Variants in CDS2 observed in about 807,000 individuals in gnomAD.
CDS2 encodes the protein phosphatidate cytidylyltransferase 2.
Under a neutral mutation model 59.0 loss-of-function variants are expected in CDS2, and 47 were observed. That is an observed-to-expected ratio of 0.80 (90% CI 0.63 to 1.02). The LOEUF (loss-of-function observed/expected upper bound fraction) is 1.02, where lower values mean the gene tolerates loss of function less well. Ranked by LOEUF, CDS2 falls within the 50% of genes least tolerant of loss-of-function variation. The probability of loss-of-function intolerance (pLI) is 0.00; values close to 1 mark genes in which losing one functional copy is unlikely to be tolerated. For missense variants in CDS2, 356 were observed against 558.9 expected, an observed-to-expected ratio of 0.64 and a Z score of 3.66; for synonymous variants, 207 against 206.4, an observed-to-expected ratio of 1.00 and a Z score of -0.02.
chr20:5,156,925 C>G (rs989664995), intron 1 of CDS2, among the ~76,000 whole-genome samples: 1 of 152,156 alleles, frequency 6.6e-6, no homozygotes, highest in African/African-American at 2.4e-5. Context: ...TCATCTCTGA[C>G]CTGGTCACTG....
At chr20:5,143,670 C>T (rs1326721013) in intron 1 of CDS2, among the ~76,000 whole-genome samples, 2 of 137,410 alleles carry the variant, frequency 1.5e-5, no homozygotes, top group African/African-American at 2.8e-5. Context: ...GCTCTGTCAT[C>T]CAGGCTGGAG....
rs1488587602 is a variant in CDS2, at chr20:5,190,880, A to G, written c.*646A>G. 6.6e-6 allele frequency: 1 copy of G among 152,436 alleles called. No homozygotes were observed. The highest frequency in any genetic ancestry group is 1.5e-5 in the Non-Finnish European group (1 of 68,038). The allele number at this position is 152,436 out of a possible 1,614,324, so 9.4% of individuals were successfully genotyped here. On this transcript the variant is annotated 3_prime_UTR_variant, in exon 13 of 13. Transcript: ENST00000460006. ...TTTTTATTTTTTTCAGAAAGCACGA[A>G]AAATTATTTATAATAGTCTGGAGAA...
chr20:5,182,557 C>A, intron 6 of CDS2, 112 bp downstream of exon 6: 3 of 934,448 alleles, frequency 3.2e-6, no homozygotes, highest in Non-Finnish European at 3.3e-6. Context: ...GGAACATGGT[C>A]TGATATGTAT....
At chr20:5,151,026 A>T (rs918617552) in intron 1 of CDS2, among the ~76,000 whole-genome samples, 1 of 152,202 alleles carries the variant, frequency 6.6e-6, no homozygotes, top group African/African-American at 2.4e-5. Flanking sequence ...GGTTGTCAGG[A>T]GGTTGAGTTG....
intron 1 of CDS2, among the ~76,000 whole-genome samples, chr20:5,159,540 T>G (rs941330227): frequency 5.3e-5 from 8 of 152,182 alleles, no homozygotes; most frequent in African/African-American, 1.7e-4. Flanking sequence ...TAAGGAATCT[T>G]TGTAAAGCAT....
intron 1 of CDS2, among the ~76,000 whole-genome samples, chr20:5,159,848 A>T (rs2090863389): frequency 1.3e-5 from 2 of 152,080 alleles, no homozygotes; most frequent in East Asian, 1.9e-4. Flanking sequence ...GTTTTTACTT[A>T]AAAAAAATGG....
chr20:5,145,512 G>C (rs989897995), intron 1 of CDS2, among the ~76,000 whole-genome samples: 2 of 151,888 alleles, frequency 1.3e-5, no homozygotes, highest in African/African-American at 4.8e-5. Flanking sequence ...CCAGATATTG[G>C]TCTGGAGCTT....
rs920207494 is a variant in CDS2, at chr20:5,184,535, A to C, written c.672-323A>C. ...AATGGAGATAGGGATGGGAGAAAGA[A>C]GGAAAACTTTTTGTTCCTTTTACAA... On this transcript the variant is annotated intron_variant, in intron 7 of 12. Coordinates refer to ENST00000460006, the MANE Select transcript of CDS2 (RefSeq NM_003818.4). This position sits in a 1 kb window ranked among gnomAD's most constrained non-coding sequence, Gnocchi z 4.3. 1.2e-4 allele frequency among the ~76,000 whole-genome samples: 18 copies of C among 152,214 alleles called. No homozygotes were observed. Among genetic ancestry groups the C allele is most frequent in the Non-Finnish European group, 2.5e-4 (17 of 68,032 alleles).
intron 1 of CDS2, among the ~76,000 whole-genome samples, chr20:5,162,082 G>C (rs1286783196): frequency 6.6e-6 from 1 of 152,194 alleles, no homozygotes; most frequent in Non-Finnish European, 1.5e-5. Context: ...TAAGTAGACT[G>C]TACAAGCTGC....
chr20:5,149,088 A>G (rs771595331), intron 1 of CDS2, among the ~76,000 whole-genome samples: 1 of 151,866 alleles, frequency 6.6e-6, no homozygotes, highest in South Asian at 2.1e-4. Flanking sequence ...ATGGCTCACT[A>G]TAGCCCTGAC....
At chr20:5,188,917 G>GGAT in intron 10 of CDS2, 150 bp from the exon 11 acceptor site, 1 of 845,786 alleles carries the variant, frequency 1.2e-6, no homozygotes, top group Admixed American at 2.1e-5. Flanking sequence ...CATTCATGAG[G>GGAT]GATTTGCCCC....
intron 1 of CDS2, among the ~76,000 whole-genome samples, chr20:5,153,010 G>T (rs922306336): frequency 2.0e-5 from 3 of 152,130 alleles, no homozygotes; most frequent in Non-Finnish European, 4.4e-5. Context: ...TGTCCCTCCT[G>T]TTTTGTCCCA....
At position 5,164,824 on chromosome 20, in the gene CDS2, G is replaced by A. The variant is rs114673540; in HGVS notation, c.58-8699G>A. 6.4e-3 allele frequency among the ~76,000 whole-genome samples: 976 copies of A among 152,304 alleles called. 12 individuals are homozygous for A. The highest frequency in any genetic ancestry group is 0.022 in the African/African-American group (922 of 41,546). On this transcript the variant is annotated intron_variant, in intron 1 of 12. Coordinates refer to ENST00000460006, the MANE Select transcript of CDS2 (RefSeq NM_003818.4). ...CAAGTGATGTCATCGGAACAGAGCC[G>A]TTGGCAGAGCCTCCTGGGGACCTGA...
rs184937292 is a variant in CDS2 at position 5,176,418 on chromosome 20, A to G, written c.292-230A>G. On this transcript the variant is annotated intron_variant, in intron 3 of 12. Transcript: ENST00000460006. ...AAAAAAAAAAGTTAATTGAAACATC[A>G]GGGTGTGTATTTTATTGTGAGTGGA... 7.8e-4 allele frequency: 389 copies of G among 496,250 alleles called. 1 individual carries two copies. The highest frequency in any genetic ancestry group is 2.6e-3 in the Admixed American group (80 of 30,994). The allele number at this position is 496,250 out of a possible 1,614,324, so 30.7% of individuals were successfully genotyped here.
At chr20:5,131,061 C>A (rs1279687171) in intron 1 of CDS2, among the ~76,000 whole-genome samples, 2 of 149,950 alleles carry the variant, frequency 1.3e-5, no homozygotes, top group African/African-American at 2.5e-5. Context: ...CCACTGCACG[C>A]CAGCCTGGGC....
At chr20:5,159,121 G>A (rs1162778504) in intron 1 of CDS2, among the ~76,000 whole-genome samples, 1 of 151,534 alleles carries the variant, frequency 6.6e-6, no homozygotes, top group South Asian at 2.1e-4. Context: ...ACTAAATTTT[G>A]TTATTCATTT....
At chr20:5,135,866 G>A (rs2088081258) in intron 1 of CDS2, among the ~76,000 whole-genome samples, 1 of 152,186 alleles carries the variant, frequency 6.6e-6, no homozygotes, top group Non-Finnish European at 1.5e-5. Context: ...CCCAGGGACA[G>A]CCTCATGCCA....
intron 1 of CDS2, among the ~76,000 whole-genome samples, chr20:5,154,432 G>A (rs2090816926): frequency 6.6e-6 from 1 of 152,196 alleles, no homozygotes; most frequent in Non-Finnish European, 1.5e-5. Flanking sequence ...TGTAGGCCAT[G>A]GGGATATAGC....
intron 1 of CDS2, among the ~76,000 whole-genome samples, chr20:5,150,068 A>G (rs2090776698): frequency 6.6e-6 from 1 of 152,140 alleles, no homozygotes; most frequent in African/African-American, 2.4e-5. Context: ...ATCCATCTGG[A>G]ATATCTTTTA....
Sources: gnomAD v4.1 joint callset for allele counts (sites outside exome capture counted in the v4.1 genomes callset) on GRCh38, gnomAD v4.1.1 for gene constraint, Gnocchi (gnomAD v3.1) non-coding constraint, MANE v1.5 for transcripts, NCBI Gene and HGNC (gene_info 2026-07-23, HGNC 2026-07-21) for gene names.